Variants in MYO9A observed in about 807,000 individuals in gnomAD.
MYO9A encodes the protein unconventional myosin-IXa.
In MYO9A, 103 loss-of-function variants were observed where a neutral mutation model predicts 293.3. That is an observed-to-expected ratio of 0.35 (90% confidence interval 0.30 to 0.41). The LOEUF (loss-of-function observed/expected upper bound fraction) is 0.41, where lower values mean the gene tolerates loss of function less well. MYO9A is among the 10% of genes least tolerant of loss of function. The pLI, the probability that MYO9A is intolerant of heterozygous loss-of-function variation, is 1.00. For synonymous variants in MYO9A, 1,001 were observed against 1,035.7 expected, an observed-to-expected ratio of 0.97 and a Z score of 0.64; for missense variants, 2,685 against 3,033.0, an observed-to-expected ratio of 0.89 and a Z score of 2.69.
rs753710465 is a variant in MYO9A at position 71,845,640 on chromosome 15, G to GTTC, written c.6837+3202_6837+3204dup. 1.7e-3 allele frequency among the ~76,000 whole-genome samples: 260 copies of GTTC among 152,322 alleles called. 2 individuals are homozygous for GTTC. The highest frequency in any genetic ancestry group is 2.7e-3 in the Non-Finnish European group (187 of 68,018). On this transcript the variant is annotated intron_variant, in intron 39 of 41. Transcript: ENST00000356056. ...TGAATCAAGGTAATGATACCAAATG[G>GTTC]TTCTAGCAGTCTTCATATTCTTTTG...
At chr15:71,893,564 A>G in intron 26 of MYO9A, 115 bp downstream of exon 26, 1 of 782,660 alleles carries the variant, frequency 1.3e-6, no homozygotes, top group Non-Finnish European at 2.0e-6. Context: ...CTTTCTCTAA[A>G]AACACTTGGG....
At chr15:71,932,053 A>C (rs981454945) in intron 18 of MYO9A, among the ~76,000 whole-genome samples, 1 of 152,138 alleles carries the variant, frequency 6.6e-6, no homozygotes, top group African/African-American at 2.4e-5. Flanking sequence ...TCTCCAGGAA[A>C]TTAGGATGTG....
At chr15:72,117,540 T>G in intron 1 of MYO9A, 140 bp downstream of exon 1, 1 of 349,690 alleles carries the variant, frequency 2.9e-6, no homozygotes, top group Non-Finnish European at 5.1e-6. Context: ...TGATCTGGTG[T>G]TTGGGAGGCT....
In MYO9A at chr15:71,974,043, G is replaced by A. The variant is rs1000265600; in HGVS notation, c.1844+4128C>T. Among the ~76,000 whole-genome samples the A allele has an allele frequency of 7.2e-5, 11 of 152,296 alleles. No individual in the cohort carries two copies. The East Asian group carries it at 7.7e-4, about 11-fold the overall frequency. On this transcript the variant is annotated intron_variant, in intron 12 of 41. Transcript: ENST00000356056. ...ATGGGTCTTGACAGGAATAGTCACC[G>A]ACTCTGAAGTGAGCTTTCCTTACCC...
chr15:71,921,234 T>A (rs2058148071), intron 18 of MYO9A, among the ~76,000 whole-genome samples: 1 of 152,236 alleles, frequency 6.6e-6, no homozygotes, highest in South Asian at 2.1e-4. Flanking sequence ...AAGGACGAAC[T>A]TGAGTTCATG....
chr15:71,822,989 A>C lies in MYO9A; in HGVS notation c.*3591T>G, dbSNP rs1012544562. 1 of 152,190 alleles carries C rather than the reference A, an allele frequency of 6.6e-6. No individual in the cohort carries two copies. Among genetic ancestry groups the C allele is most frequent in the Non-Finnish European group, 1.5e-5 (1 of 68,044 alleles). The allele number at this position is 152,190 out of a possible 1,614,324, so 9.4% of individuals were successfully genotyped here. A position where few individuals can be genotyped will look rare whatever the true frequency, so the allele number is the denominator to read the frequency against. On this transcript the variant is annotated 3_prime_UTR_variant, in exon 42 of 42. Coordinates refer to ENST00000356056, the MANE Select transcript of MYO9A (RefSeq NM_006901.4). ...ACCAAGGAGTTTTACTACCAAGGCC[A>C]GCATGGTATTGCAGGACAGTGCTGG...
intron 39 of MYO9A, among the ~76,000 whole-genome samples, chr15:71,839,180 T>C (rs1370637451): frequency 6.6e-6 from 1 of 152,236 alleles, no homozygotes; most frequent in Non-Finnish European, 1.5e-5. Context: ...AACTTTTGCA[T>C]GAAAAGGTTT....
intron 9 of MYO9A, 99 bp from the exon 10 acceptor site, chr15:71,994,684 C>A: frequency 3.3e-6 from 2 of 609,092 alleles, no homozygotes; most frequent in South Asian, 3.3e-5. Flanking sequence ...ACTTACTATC[C>A]TGAATTAGAA....
intron 1 of MYO9A, chr15:72,114,288 C>T (rs1377042384): frequency 6.6e-6 from 1 of 152,164 alleles, no homozygotes; most frequent in South Asian, 2.1e-4. Flanking sequence ...AGAGAATGAA[C>T]AGGAGGGCAT....
rs2078367892 is a variant in MYO9A, at chr15:72,045,811, A to G, written c.753T>C (p.Phe251=). Reference sequence around the variant, plus strand: ...TGAGAGCAGTAAGGTGGTGAATAAGAAAGTTTGTGCTTTGAGTCTTCCCAG... The same window carrying G: ...TGAGAGCAGTAAGGTGGTGAATAAGGAAGTTTGTGCTTTGAGTCTTCCCAG... The part of the protein sequence containing the change: ...SGSGKTQSTN[F]LIHHLTALSQ... Residue 251 remains phenylalanine, a synonymous_variant, in exon 2 of 42, where the codon TTT becomes TTC. Coordinates refer to ENST00000356056, the MANE Select transcript of MYO9A (RefSeq NM_006901.4). 1.9e-6 allele frequency: 3 copies of G among 1,614,076 alleles called. No individual in the cohort carries two copies. The highest frequency in any genetic ancestry group is 2.5e-6 in the Non-Finnish European group (3 of 1,180,046).
chr15:72,039,608 A>G (rs1369608009), intron 2 of MYO9A, among the ~76,000 whole-genome samples: 1 of 152,032 alleles, frequency 6.6e-6, no homozygotes, highest in Admixed American at 6.5e-5. Flanking sequence ...AGGTGGGTGG[A>G]TCATCTGAGG....
chr15:71,883,326 T>C (rs1185283379), intron 28 of MYO9A, among the ~76,000 whole-genome samples: 1 of 152,198 alleles, frequency 6.6e-6, no homozygotes, highest in Non-Finnish European at 1.5e-5. Context: ...ATTTTTTTAG[T>C]TTAGAAAATT....
chr15:72,035,322 C>T (rs947553740), intron 2 of MYO9A, among the ~76,000 whole-genome samples: 3 of 152,138 alleles, frequency 2.0e-5, no homozygotes, highest in Non-Finnish European at 4.4e-5. Context: ...CACATCAAGG[C>T]ACAAACATTA....
intron 2 of MYO9A, among the ~76,000 whole-genome samples, chr15:72,036,882 G>C (rs1179361656): frequency 6.6e-6 from 1 of 151,888 alleles, no homozygotes; most frequent in Non-Finnish European, 1.5e-5. Context: ...ACCACACCCA[G>C]CTAATTTTTG....
intron 1 of MYO9A, among the ~76,000 whole-genome samples, chr15:72,075,282 C>T (rs2079315688): frequency 6.6e-6 from 1 of 151,868 alleles, no homozygotes; most frequent in Admixed American, 6.6e-5. Flanking sequence ...GCTCTTTTTA[C>T]ATTTAATATT....
At chr15:72,057,206 T>G (rs997005041) in intron 1 of MYO9A, among the ~76,000 whole-genome samples, 4 of 151,858 alleles carry the variant, frequency 2.6e-5, no homozygotes, top group Non-Finnish European at 4.4e-5. Context: ...GAGGCGGAGG[T>G]TGCAGTGAGC....
intron 12 of MYO9A, among the ~76,000 whole-genome samples, chr15:71,975,926 G>A (rs1331583579): frequency 6.6e-6 from 1 of 152,188 alleles, no homozygotes; most frequent in Admixed American, 6.5e-5. Flanking sequence ...CACCCAGGGA[G>A]GACATGGAGG....
At chr15:71,928,039 T>TATATATAC (rs2058362727) in intron 18 of MYO9A, among the ~76,000 whole-genome samples, 1 of 9,662 alleles carries the variant, frequency 1.0e-4, no homozygotes, top group African/African-American at 2.1e-4. Context: ...TATATATATA[T>TATATATAC]ATATATATAT....
chr15:71,956,196 G>C (rs1461329238), intron 14 of MYO9A, among the ~76,000 whole-genome samples: 1 of 150,280 alleles, frequency 6.7e-6, no homozygotes, highest in Non-Finnish European at 1.5e-5. Context: ...TGTAGTTCCA[G>C]TGTCTTGAGA....
Sources: gnomAD v4.1 joint callset for allele counts (sites outside exome capture counted in the v4.1 genomes callset) on GRCh38, gnomAD v4.1.1 for gene constraint, MANE v1.5 for transcripts, NCBI Gene and HGNC (gene_info 2026-07-23, HGNC 2026-07-21) for gene names.